The following SLC35A3 variants were observed in gnomAD, a reference collection of about 807,000 sequenced individuals.
SLC35A3 encodes the protein solute carrier family 35 member A3, also known as UDP-N-acetylglucosamine transporter.
SLC35A3 carries 26 observed loss-of-function variants against 39.0 expected under a neutral mutation model. That is an observed-to-expected ratio of 0.67 (90% confidence interval 0.49 to 0.92). SLC35A3 has a LOEUF of 0.92. Among genes scored for constraint, SLC35A3 ranks in the 40% least tolerant of loss-of-function variants. The pLI is 0.00. For missense variants in SLC35A3, 299 were observed against 371.6 expected, an observed-to-expected ratio of 0.80 and a Z score of 1.61; for synonymous variants, 135 against 133.1, an observed-to-expected ratio of 1.01 and a Z score of -0.10.
chr1:99,973,970 G>A lies in SLC35A3; in HGVS notation c.-19+3808G>A, dbSNP rs189811883. ...GCGGAGGTTGCAGTGAGCCAAAATCGCTCCATTGCACTCCAGCCTGGGCGA... is the reference window on the plus strand; with the variant it reads ...GCGGAGGTTGCAGTGAGCCAAAATCACTCCATTGCACTCCAGCCTGGGCGA... On this transcript the variant is annotated intron_variant, in intron 1 of 7. Transcript: ENST00000533028. 3.2e-4 allele frequency among the ~76,000 whole-genome samples: 46 copies of A among 145,776 alleles called. No homozygotes were observed. In the East Asian group the frequency reaches 8.9e-3, roughly 28 times the overall value.
Position 100,035,304 on chromosome 1 carries a change from T to C in SLC35A3, c.*12828T>C, listed in dbSNP as rs182885998. 1 of 152,340 alleles carries C rather than the reference T, an allele frequency of 6.6e-6. No individual in the cohort carries two copies. Among genetic ancestry groups the C allele is most frequent in the African/African-American group, 2.4e-5 (1 of 41,580 alleles). The allele number at this position is 152,340 out of a possible 1,614,324, so 9.4% of individuals were successfully genotyped here. On this transcript the variant is annotated 3_prime_UTR_variant, in exon 8 of 8. Coordinates refer to ENST00000533028, the MANE Select transcript of SLC35A3 (RefSeq NM_012243.3). ...TTAAAAAATATTTTTATTCTGAGGA[T>C]AGTTGAATCCACAGGATACTGAGGG...
At chr1:99,987,072 A>T (rs1657785925) in intron 1 of SLC35A3, among the ~76,000 whole-genome samples, 1 of 152,214 alleles carries the variant, frequency 6.6e-6, no homozygotes, top group Admixed American at 6.5e-5. Context: ...CCATATAGAG[A>T]TAAAGGCACC....
intron 1 of SLC35A3, among the ~76,000 whole-genome samples, chr1:99,972,101 A>G (rs148429988): frequency 0.011 from 1,727 of 151,892 alleles, 38 homozygotes; most frequent in African/African-American, 0.041. Flanking sequence ...GGGTTTCACC[A>G]TGTTGGCCAG....
rs1316633370 is a variant in SLC35A3, at chr1:100,023,366, T to G, written c.*890T>G. The G allele has an allele frequency of 1.3e-5, 2 of 152,220 alleles. No individual in the cohort carries two copies. Among genetic ancestry groups the G allele is most frequent in the Non-Finnish European group, 2.9e-5 (2 of 68,038 alleles). The allele number at this position is 152,220 out of a possible 1,614,324, so 9.4% of individuals were successfully genotyped here. A position where few individuals can be genotyped will look rare whatever the true frequency, so the allele number is the denominator to read the frequency against. ...TCATTTAATAATTTAAAATAATTATTGTATAATATCTACATTTGGAGAATT... is the reference window on the plus strand; with the variant it reads ...TCATTTAATAATTTAAAATAATTATGGTATAATATCTACATTTGGAGAATT... On this transcript the variant is annotated 3_prime_UTR_variant, in exon 8 of 8. Transcript: ENST00000533028.
At position 99,971,969 on chromosome 1, in the gene SLC35A3, C is replaced by T. The variant is rs544771809; in HGVS notation, c.-19+1807C>T. On this transcript the variant is annotated intron_variant, in intron 1 of 7. Coordinates refer to ENST00000533028, the MANE Select transcript of SLC35A3 (RefSeq NM_012243.3). ...CTGGAGTTCAATGTTGCGATCTCGG[C>T]TCACTGCAACCTCCGTCTCCCGGGT... Among the ~76,000 whole-genome samples the T allele has an allele frequency of 2.6e-5, 4 of 152,152 alleles. No individual in the cohort carries two copies. In the East Asian group the frequency reaches 5.8e-4, roughly 22 times the overall value.
At chr1:99,979,781 C>T (rs939963579) in intron 1 of SLC35A3, among the ~76,000 whole-genome samples, 3 of 151,358 alleles carry the variant, frequency 2.0e-5, no homozygotes, top group South Asian at 2.1e-4. Flanking sequence ...CGGTGGCTCA[C>T]GCCTGTAATC....
intron 5 of SLC35A3, among the ~76,000 whole-genome samples, chr1:100,013,022 C>T (rs1310198956): frequency 6.6e-6 from 1 of 152,112 alleles, no homozygotes; most frequent in Non-Finnish European, 1.5e-5. Flanking sequence ...ACATGAAGCA[C>T]TTAGAATAAT....
chr1:100,003,459 A>G (rs1054882651), intron 3 of SLC35A3, among the ~76,000 whole-genome samples: 5 of 151,748 alleles, frequency 3.3e-5, no homozygotes, highest in African/African-American at 1.2e-4. Context: ...AAAAAAAGAA[A>G]ATTTTCTGTT....
chr1:100,009,992 AG>A (rs1270374767), intron 4 of SLC35A3, among the ~76,000 whole-genome samples: 16 of 152,322 alleles, frequency 1.1e-4, no homozygotes, highest in African/African-American at 3.6e-4. Context: ...ACTATGCTGT[AG>A]AACTACACTG....
intron 1 of SLC35A3, among the ~76,000 whole-genome samples, chr1:99,988,932 A>T (rs1449402962): frequency 6.6e-6 from 1 of 151,856 alleles, no homozygotes; most frequent in Non-Finnish European, 1.5e-5. Context: ...AAACCCAGCT[A>T]ATTATTTTTG....
At chr1:99,995,458 T>C (rs1024700934) in intron 2 of SLC35A3, among the ~76,000 whole-genome samples, 8 of 152,162 alleles carry the variant, frequency 5.3e-5, no homozygotes, top group Admixed American at 4.6e-4. Context: ...TGGCCCTTTT[T>C]GTGTATTTTC....
At chr1:100,016,020 T>C (rs1295691530) in intron 6 of SLC35A3, among the ~76,000 whole-genome samples, 1 of 152,018 alleles carries the variant, frequency 6.6e-6, no homozygotes, top group East Asian at 1.9e-4. Context: ...AAGGTGAAGA[T>C]GGCAAAGGAT....
At position 100,034,592 on chromosome 1, in the gene SLC35A3, T is replaced by A. The variant is rs1397066931; in HGVS notation, c.*12116T>A. 1 of 152,196 alleles carries A rather than the reference T, an allele frequency of 6.6e-6. No individual in the cohort carries two copies. Among genetic ancestry groups the A allele is most frequent in the Non-Finnish European group, 1.5e-5 (1 of 68,034 alleles). The allele number at this position is 152,196 out of a possible 1,614,324, so 9.4% of individuals were successfully genotyped here. On this transcript the variant is annotated 3_prime_UTR_variant, in exon 8 of 8. Transcript: ENST00000533028. The stretch of plus-strand genomic sequence containing the variant: ...TATTCATGATTAAATGTGTAGGATC[T>A]TCTTCAATCAGCAATAACAGGTGGC...
intron 3 of SLC35A3, among the ~76,000 whole-genome samples, chr1:100,006,282 G>A (rs1178889425): frequency 6.6e-6 from 1 of 152,192 alleles, no homozygotes; most frequent in African/African-American, 2.4e-5. Flanking sequence ...GATACTAGCA[G>A]TGGTGGGTCC....
chr1:100,015,231 A>G, intron 5 of SLC35A3, 71 bp from the exon 6 acceptor site: 5 of 1,328,994 alleles, frequency 3.8e-6, no homozygotes, highest in Non-Finnish European at 4.9e-6. Context: ...ATTATTTGGA[A>G]TGTCAGTGGA....
chr1:100,011,648 A>G, intron 5 of SLC35A3, 115 bp downstream of exon 5: 1 of 320,098 alleles, frequency 3.1e-6, no homozygotes, highest in East Asian at 5.3e-5. Context: ...ATTGATCCAA[A>G]TATCTGGCAA....
intron 1 of SLC35A3, among the ~76,000 whole-genome samples, chr1:99,972,535 C>T (rs1656879716): frequency 6.6e-6 from 1 of 151,940 alleles, no homozygotes; most frequent in Non-Finnish European, 1.5e-5. Context: ...GGGGGTTTCA[C>T]CATGTTGGCC....
chr1:100,001,351 C>A (rs1286214582), intron 3 of SLC35A3, among the ~76,000 whole-genome samples: 1 of 151,968 alleles, frequency 6.6e-6, no homozygotes, highest in Non-Finnish European at 1.5e-5. Context: ...CATGGTATAT[C>A]TTCCCATTTG....
At position 100,029,426 on chromosome 1, in the gene SLC35A3, A is replaced by ATTTTTTT. The variant is rs1170082728; in HGVS notation, c.*6966_*6972dup. 7 of 125,576 alleles carry ATTTTTTT rather than the reference A, an allele frequency of 5.6e-5. No homozygotes were observed. The highest frequency in any genetic ancestry group is 2.2e-4 in the East Asian group (1 of 4,548). The allele number at this position is 125,576 out of a possible 1,614,324, so 7.8% of individuals were successfully genotyped here. ...CAATTCTTCTTTTCAGAGACTTTTA[A>ATTTTTTT]TTTTTTTTTTTTTTTTTTTTTTGAG... On this transcript the variant is annotated 3_prime_UTR_variant, in exon 8 of 8. Coordinates refer to ENST00000533028, the MANE Select transcript of SLC35A3 (RefSeq NM_012243.3).
Sources: allele counts gnomAD v4.1 joint callset (sites outside exome capture counted in the v4.1 genomes callset), GRCh38; gene constraint gnomAD v4.1.1; transcripts MANE v1.5; gene names NCBI Gene and HGNC (gene_info 2026-07-23, HGNC 2026-07-21).